Variants in FTCDNL1 observed in about 807,000 individuals in gnomAD.
FTCDNL1 encodes formiminotransferase N-terminal subdomain-containing protein.
Under a neutral mutation model 5.9 loss-of-function variants are expected in FTCDNL1, and 11 were observed. The ratio of observed to expected loss-of-function variants is 1.87; its 90% CI spans 1.18 to 3.10. FTCDNL1 has a LOEUF of 3.10. FTCDNL1 is among the 30% of genes most tolerant of loss of function. The probability of loss-of-function intolerance (pLI) is 0.00; values close to 1 mark genes in which losing one functional copy is unlikely to be tolerated. For synonymous variants in FTCDNL1, 58 were observed against 24.8 expected (o/e 2.34, Z -3.99); for missense variants, 115 against 65.5 (o/e 1.76, Z -2.61).
At chr2:199,847,294 T>A (rs2106634684) in intron 2 of FTCDNL1, among the ~76,000 whole-genome samples, 1 of 151,994 alleles carries the variant, frequency 6.6e-6, no homozygotes. Context: ...AAAAAAAAGG[T>A]TCATTTTCTT....
chr2:199,836,732 C>T (rs1702770778), intron 3 of FTCDNL1, among the ~76,000 whole-genome samples: 1 of 152,090 alleles, frequency 6.6e-6, no homozygotes. Flanking sequence ...TGCCACTGCA[C>T]TCAGCCTGGG....
intron 2 of FTCDNL1, among the ~76,000 whole-genome samples, chr2:199,847,835 A>G (rs887958124): frequency 6.6e-6 from 1 of 152,228 alleles, no homozygotes; most frequent in African/African-American, 2.4e-5. Context: ...AAAGCATGCA[A>G]AATCACAGCT....
chr2:199,733,684 G>C, the FTCDNL1 span, among the ~76,000 whole-genome samples: 2 of 152,162 alleles, frequency 1.3e-5, no homozygotes, highest in African/African-American at 4.8e-5. Flanking sequence ...AGTTCTTCCT[G>C]CTCCGTATGC....
the FTCDNL1 span, among the ~76,000 whole-genome samples, chr2:199,739,919 T>C: frequency 1.8e-4 from 27 of 152,144 alleles, no homozygotes; most frequent in African/African-American, 6.5e-4. Context: ...CTGGAGGGCC[T>C]AGGATCCTGG....
chr2:199,826,067 A>G (rs1233480979), intron 3 of FTCDNL1, among the ~76,000 whole-genome samples: 2 of 152,188 alleles, frequency 1.3e-5, no homozygotes, highest in African/African-American at 4.8e-5. Context: ...CTGTCCTACT[A>G]AATACATGTT....
the FTCDNL1 span, among the ~76,000 whole-genome samples, chr2:199,700,054 G>T: frequency 6.6e-6 from 1 of 152,050 alleles, no homozygotes; most frequent in Non-Finnish European, 1.5e-5. Flanking sequence ...GGCCAGAGAA[G>T]TCAGGCAAGA....
chr2:199,847,106 C>T (rs763179804), intron 2 of FTCDNL1, among the ~76,000 whole-genome samples: 2 of 152,040 alleles, frequency 1.3e-5, no homozygotes, highest in Non-Finnish European at 2.9e-5. Context: ...CATGGCCAAA[C>T]GAGCATCTGT....
chr2:199,842,679 A>T (rs1250197427), intron 3 of FTCDNL1, among the ~76,000 whole-genome samples: 1 of 152,208 alleles, frequency 6.6e-6, no homozygotes, highest in African/African-American at 2.4e-5. Flanking sequence ...GCTGATATTA[A>T]AAAGTTCTGA....
At chr2:199,667,547 G>C in the FTCDNL1 span, among the ~76,000 whole-genome samples, 1 of 152,206 alleles carries the variant, frequency 6.6e-6, no homozygotes, top group South Asian at 2.1e-4. Context: ...GTAGTGGGAG[G>C]ACTGCTTGAG....
chr2:199,798,269 T>A (rs1269214759), intron 3 of FTCDNL1, among the ~76,000 whole-genome samples: 1 of 152,232 alleles, frequency 6.6e-6, no homozygotes, highest in Non-Finnish European at 1.5e-5. Flanking sequence ...TATTGGTACA[T>A]TAATTTATTT....
chr2:199,842,040 C>T (rs1267221179), intron 3 of FTCDNL1, among the ~76,000 whole-genome samples: 2 of 151,964 alleles, frequency 1.3e-5, no homozygotes, highest in Admixed American at 1.3e-4. Context: ...CGGCAGATTG[C>T]TTGAGGTCAG....
intron 3 of FTCDNL1, among the ~76,000 whole-genome samples, chr2:199,838,621 A>G (rs1288248322): frequency 6.6e-6 from 1 of 152,192 alleles, no homozygotes; most frequent in Admixed American, 6.5e-5. Context: ...AGAGGGCAGA[A>G]CCAGCAGCCC....
the FTCDNL1 span, among the ~76,000 whole-genome samples, chr2:199,740,423 G>A: frequency 0.016 from 2,437 of 152,242 alleles, 57 homozygotes; most frequent in African/African-American, 0.054. Flanking sequence ...CCTCTGAATC[G>A]CCTTATTTTC....
At position 199,831,206 on chromosome 2, in the gene FTCDNL1, GA is replaced by G. The variant is rs923496306; in HGVS notation, c.212-11450del. Among the ~76,000 whole-genome samples the G allele has an allele frequency of 2.0e-5, 3 of 152,224 alleles. No individual in the cohort carries two copies. The South Asian group carries it at 6.2e-4, about 32-fold the overall frequency. On this transcript the variant is annotated intron_variant, in intron 3 of 4. Transcript: ENST00000420128. ...ATGACAGTAAAAAATAAAATGCAAA[GA>G]AAAAACTTATTTATTATGGAAATGA...
chr2:199,695,000 G>T, the FTCDNL1 span, among the ~76,000 whole-genome samples: 1 of 152,094 alleles, frequency 6.6e-6, no homozygotes, highest in African/African-American at 2.4e-5. Flanking sequence ...CTTCTATCTT[G>T]CTTGGATTAG....
At chr2:199,821,665 G>A (rs2577853) in intron 3 of FTCDNL1, among the ~76,000 whole-genome samples, 124,945 of 151,606 alleles carry the variant, frequency 0.82, 51,558 homozygotes, top group South Asian at 0.88. Context: ...GTTTCACCAT[G>A]TTGGCCAGGC....
intron 2 of FTCDNL1, among the ~76,000 whole-genome samples, 180 bp from the exon 3 acceptor site, chr2:199,846,350 T>A (rs1207083322): frequency 6.6e-6 from 1 of 152,214 alleles, no homozygotes; most frequent in Non-Finnish European, 1.5e-5. Context: ...TCTTACAGCA[T>A]CTTATTGTAT....
the FTCDNL1 span, among the ~76,000 whole-genome samples, chr2:199,737,419 T>C: frequency 2.0e-5 from 3 of 152,238 alleles, no homozygotes; most frequent in African/African-American, 7.2e-5. Flanking sequence ...TTTGAAATAA[T>C]ATATTTCCTA....
chr2:199,845,361 G>GT (rs1306066347), intron 3 of FTCDNL1, among the ~76,000 whole-genome samples: 1 of 152,068 alleles, frequency 6.6e-6, no homozygotes, highest in Non-Finnish European at 1.5e-5. Context: ...GAGGTCAGGA[G>GT]TTTGAGACCA....
Sources: gnomAD v4.1 joint callset for allele counts (sites outside exome capture counted in the v4.1 genomes callset) on GRCh38, gnomAD v4.1.1 for gene constraint, MANE v1.5 for transcripts, NCBI Gene and HGNC (gene_info 2026-07-23, HGNC 2026-07-21) for gene names.